The following C1orf87 variants were observed in gnomAD, a reference collection of about 807,000 sequenced individuals.
C1orf87 encodes chromosome 1 open reading frame 87.
In C1orf87, 58 loss-of-function variants were observed where a neutral mutation model predicts 60.5. That is an observed-to-expected ratio of 0.96 (90% CI 0.78 to 1.19). The LOEUF (loss-of-function observed/expected upper bound fraction) is 1.19. C1orf87 is among the 50% of genes most tolerant of loss of function. C1orf87 has a pLI of 0.00. For missense variants in C1orf87, 673 were observed against 638.6 expected (o/e 1.05, Z -0.58); for synonymous variants, 236 against 227.4 (o/e 1.04, Z -0.34).
intron 3 of C1orf87, among the ~76,000 whole-genome samples, chr1:60,046,927 T>C (rs1645376133): frequency 6.6e-6 from 1 of 152,228 alleles, no homozygotes; most frequent in Non-Finnish European, 1.5e-5. Flanking sequence ...TCTAAAGTCT[T>C]ATTCATGTTC....
intron 5 of C1orf87, among the ~76,000 whole-genome samples, chr1:60,039,263 T>A (rs1645300647): frequency 6.6e-6 from 1 of 152,188 alleles, no homozygotes; most frequent in South Asian, 2.1e-4. Flanking sequence ...ACTAATGATA[T>A]TCTTATTGCT....
intron 8 of C1orf87, among the ~76,000 whole-genome samples, chr1:60,017,862 A>G (rs931102042): frequency 2.0e-5 from 3 of 152,198 alleles, no homozygotes; most frequent in African/African-American, 7.2e-5. Flanking sequence ...ACAAATCTCA[A>G]TGTTAAAAAA....
chr1:60,034,102 A>C (rs1321454463), intron 6 of C1orf87, among the ~76,000 whole-genome samples: 1 of 152,196 alleles, frequency 6.6e-6, no homozygotes, highest in African/African-American at 2.4e-5. Flanking sequence ...AAGACAGCCT[A>C]GTTCCCTGGG....
intron 2 of C1orf87, among the ~76,000 whole-genome samples, chr1:60,059,704 G>A (rs1645481701): frequency 6.6e-6 from 1 of 152,032 alleles, no homozygotes; most frequent in African/African-American, 2.4e-5. Context: ...TCAAATGAAG[G>A]ACCCAGGGGG....
intron 2 of C1orf87, 38 bp downstream of exon 2, chr1:60,072,499 A>C: frequency 6.9e-7 from 1 of 1,449,198 alleles, no homozygotes; most frequent in Non-Finnish European, 9.5e-7. Flanking sequence ...CTTCATTATC[A>C]TCCAAGCAAC....
At chr1:60,070,995 G>T (rs1245795440) in intron 2 of C1orf87, among the ~76,000 whole-genome samples, 2 of 152,154 alleles carry the variant, frequency 1.3e-5, no homozygotes, top group East Asian at 3.9e-4. Context: ...CCAGGTAGGA[G>T]ATCTGAGCCA....
chr1:60,021,134 C>T (rs753632544), intron 8 of C1orf87, among the ~76,000 whole-genome samples: 3 of 152,108 alleles, frequency 2.0e-5, no homozygotes, highest in Non-Finnish European at 2.9e-5. Context: ...CTGAGGCCTC[C>T]CAGCCATGCT....
At chr1:59,998,966 T>C (rs1198109060) in intron 10 of C1orf87, among the ~76,000 whole-genome samples, 1 of 152,170 alleles carries the variant, frequency 6.6e-6, no homozygotes, top group Admixed American at 6.6e-5. Flanking sequence ...GTTTTGTTCA[T>C]TGAAATCTAA....
intron 2 of C1orf87, among the ~76,000 whole-genome samples, chr1:60,068,922 G>A (rs578195161): frequency 2.0e-5 from 3 of 152,148 alleles, no homozygotes; most frequent in East Asian, 3.9e-4. Flanking sequence ...AACAGCATGG[G>A]CCTTTAGATT....
intron 7 of C1orf87, among the ~76,000 whole-genome samples, chr1:60,030,461 C>G (rs1025139695): frequency 6.6e-6 from 1 of 152,096 alleles, no homozygotes; most frequent in African/African-American, 2.4e-5. Context: ...ATTCACAAAC[C>G]CAGGCTATCA....
chr1:60,023,419 G>A (rs142976607), intron 8 of C1orf87, among the ~76,000 whole-genome samples: 360 of 152,066 alleles, frequency 2.4e-3, no homozygotes, highest in African/African-American at 7.8e-3. Context: ...CATAGTGTCC[G>A]TATCTATGTC....
intron 3 of C1orf87, among the ~76,000 whole-genome samples, chr1:60,044,697 G>A (rs767673860): frequency 4.6e-5 from 7 of 152,142 alleles, no homozygotes; most frequent in Non-Finnish European, 8.8e-5. Context: ...TTTTTCCAAA[G>A]TGAAGAGTGT....
intron 10 of C1orf87, 58 bp from the exon 11 acceptor site, chr1:59,997,874 C>G: frequency 6.5e-7 from 1 of 1,546,272 alleles, no homozygotes; most frequent in Non-Finnish European, 8.8e-7. Context: ...TCTCCAATCT[C>G]TTGGCCAAAG....
chr1:60,007,991 C>T (rs1645058070), intron 9 of C1orf87, among the ~76,000 whole-genome samples: 1 of 151,892 alleles, frequency 6.6e-6, no homozygotes, highest in Non-Finnish European at 1.5e-5. Context: ...ATAACATTTA[C>T]CTGTGGAGCT....
chr1:60,035,637 T>G (rs547234157), intron 6 of C1orf87, among the ~76,000 whole-genome samples: 1 of 152,350 alleles, frequency 6.6e-6, no homozygotes, highest in South Asian at 2.1e-4. Context: ...AGCAGCACCT[T>G]CTCTGATGAG....
intron 11 of C1orf87, among the ~76,000 whole-genome samples, chr1:59,992,389 G>A (rs147302355): frequency 4.1e-4 from 62 of 152,034 alleles, no homozygotes; most frequent in African/African-American, 1.4e-3. Context: ...ATGAGTAGCT[G>A]GGATTGCAGG....
intron 8 of C1orf87, among the ~76,000 whole-genome samples, chr1:60,019,004 GGTACCCA>G (rs1333800122): frequency 6.6e-6 from 1 of 152,014 alleles, no homozygotes; most frequent in African/African-American, 2.4e-5. Context: ...GTATGTAGTA[GGTACCCA>G]GTAAATGCTT....
At chr1:60,069,744 G>A (rs1384001697) in intron 2 of C1orf87, among the ~76,000 whole-genome samples, 1 of 152,076 alleles carries the variant, frequency 6.6e-6, no homozygotes, top group Non-Finnish European at 1.5e-5. Flanking sequence ...TAAAATGGGA[G>A]TCTGGTTGTT....
At chr1:60,030,566 G>C (rs1183271501) in intron 7 of C1orf87, among the ~76,000 whole-genome samples, 1 of 152,210 alleles carries the variant, frequency 6.6e-6, no homozygotes, top group Non-Finnish European at 1.5e-5. Context: ...CTTCCTGGGA[G>C]GCAGGTTTGG....
Sources: gnomAD v4.1 joint callset for allele counts (sites outside exome capture counted in the v4.1 genomes callset) on GRCh38, gnomAD v4.1.1 for gene constraint, MANE v1.5 for transcripts, NCBI Gene and HGNC (gene_info 2026-07-23, HGNC 2026-07-21) for gene names.